LARP1B: variants seen among roughly 807,000 people sequenced by gnomAD.
LARP1B encodes the protein La ribonucleoprotein 1B.
A neutral mutation model predicts 114.2 loss-of-function variants in LARP1B; 76 were observed. The observed-to-expected ratio is 0.67, with a 90% CI of 0.55 to 0.81. The LOEUF is 0.81. LARP1B is among the 30% of genes least tolerant of loss of function. LARP1B has a pLI of 0.00. For synonymous variants in LARP1B, 345 were observed against 348.0 expected, an observed-to-expected ratio of 0.99 and a Z score of 0.10; for missense variants, 1,014 against 1,075.8, an observed-to-expected ratio of 0.94 and a Z score of 0.80.
At chr4:128,165,431 A>T (rs1581191551) in intron 12 of LARP1B, among the ~76,000 whole-genome samples, 1 of 147,586 alleles carries the variant, frequency 6.8e-6, no homozygotes, top group East Asian at 2.1e-4. Context: ...AAATTAAAAG[A>T]TAATTTTAAT....
intron 11 of LARP1B, among the ~76,000 whole-genome samples, chr4:128,137,770 C>CATATATATATATATAT (rs745646919): frequency 3.5e-5 from 5 of 141,320 alleles, no homozygotes; most frequent in African/African-American, 1.1e-4. Context: ...TGTGTGTATA[C>CATATATATATATATAT]ATATATATAT....
intron 11 of LARP1B, among the ~76,000 whole-genome samples, chr4:128,134,300 T>C (rs59944017): frequency 0.65 from 98,746 of 151,886 alleles, 32,406 homozygotes; most frequent in Middle Eastern, 0.81. Flanking sequence ...TGAAGCTGGC[T>C]GGGTAAATGA....
At chr4:128,135,260 AAC>A (rs1222599271) in intron 11 of LARP1B, among the ~76,000 whole-genome samples, 1 of 152,190 alleles carries the variant, frequency 6.6e-6, no homozygotes, top group African/African-American at 2.4e-5. Flanking sequence ...CATTTAAAAA[AAC>A]ACACAGAAAA....
At chr4:128,197,023 G>A (rs1754395637) in intron 15 of LARP1B, among the ~76,000 whole-genome samples, 1 of 152,120 alleles carries the variant, frequency 6.6e-6, no homozygotes. Flanking sequence ...GTAGAATAGA[G>A]GTTACTAGGG....
At chr4:128,124,342 C>T (rs1192886203) in intron 11 of LARP1B, among the ~76,000 whole-genome samples, 3 of 152,050 alleles carry the variant, frequency 2.0e-5, no homozygotes, top group African/African-American at 7.2e-5. Context: ...ATAGTGAAAT[C>T]TGAAGTGGAA....
Position 128,122,499 on chromosome 4 carries a change from G to T in LARP1B, c.1524+311G>T, listed in dbSNP as rs1420033376. 11 of 1,522,988 alleles carry T rather than the reference G, an allele frequency of 7.2e-6. No individual in the cohort carries two copies. In the Admixed American group the frequency reaches 2.0e-4, roughly 28 times the overall value. The allele number at this position is 1,522,988 out of a possible 1,614,324, so 94.3% of individuals were successfully genotyped here. On this transcript the variant is annotated intron_variant, in intron 11 of 19. Transcript: ENST00000326639. The stretch of plus-strand genomic sequence containing the variant: ...TGTTTTAGGTGACAATACTGAGAAC[G>T]CCCTTTCTCGTATGAAAGAATAAAA...
intron 12 of LARP1B, among the ~76,000 whole-genome samples, chr4:128,175,975 T>A (rs2150607126): frequency 6.6e-6 from 1 of 151,634 alleles, no homozygotes; most frequent in Non-Finnish European, 1.5e-5. Flanking sequence ...TTACTCTTTC[T>A]GGGTTGTTAC....
At chr4:128,217,062 C>T (rs901979799) in intron 6 of LARP1B, among the ~76,000 whole-genome samples, 30 of 150,050 alleles carry the variant, frequency 2.0e-4, no homozygotes, top group African/African-American at 6.8e-4. Flanking sequence ...ATACATTCCT[C>T]GACACATACA....
chr4:128,148,237 C>T (rs1202773040), intron 11 of LARP1B, among the ~76,000 whole-genome samples: 3 of 152,166 alleles, frequency 2.0e-5, no homozygotes, highest in East Asian at 1.9e-4. Flanking sequence ...TTGAGACCAG[C>T]CTGGCCAACA....
intron 12 of LARP1B, among the ~76,000 whole-genome samples, chr4:128,168,787 T>C (rs895347876): frequency 6.6e-6 from 1 of 151,998 alleles, no homozygotes; most frequent in Non-Finnish European, 1.5e-5. Context: ...TTTCATTGTC[T>C]TGGATTATAT....
At chr4:128,143,289 A>G (rs148808493) in intron 11 of LARP1B, among the ~76,000 whole-genome samples, 85 of 152,182 alleles carry the variant, frequency 5.6e-4, no homozygotes, top group African/African-American at 1.8e-3. Flanking sequence ...AAAAAAAGAG[A>G]CCTGATTTCA....
At chr4:128,108,041 C>A (rs778540750) in intron 9 of LARP1B, 143 of 1,477,470 alleles carry the variant, frequency 9.7e-5, no homozygotes, top group Non-Finnish European at 1.2e-4. Context: ...CTATTCCCAC[C>A]TCTTGGTGGA....
chr4:128,162,227 A>G lies in LARP1B; in HGVS notation c.1558A>G (p.Ile520Val), dbSNP rs1561456568. 2 of 1,608,714 alleles carry G rather than the reference A, an allele frequency of 1.2e-6. No homozygotes were observed. Among genetic ancestry groups the G allele is most frequent in the Admixed American group, 3.3e-5 (2 of 59,876 alleles). ...EVENFKKLNL[I>V]SKEQFENLTP... ...TGAGAACTTTAAGAAGCTAAATCTC[A>G]TTAGTAAAGAGCAGTTTGAAAACCT... The change falls in exon 12 of 20, where the codon ATT becomes GTT. Residue 520 changes from isoleucine (I) to valine (V), a missense_variant. Ile to Val is a conservative substitution (Grantham distance 29, BLOSUM62 3). Transcript: ENST00000326639.
intron 1 of LARP1B, among the ~76,000 whole-genome samples, chr4:128,073,346 G>C (rs1275277897): frequency 3.5e-5 from 5 of 144,854 alleles, no homozygotes; most frequent in Non-Finnish European, 6.0e-5. Flanking sequence ...AACCCCGGAG[G>C]GGGAGGTTGC....
At chr4:128,176,363 G>T (rs1007977166) in intron 12 of LARP1B, among the ~76,000 whole-genome samples, 6 of 149,412 alleles carry the variant, frequency 4.0e-5, no homozygotes, top group Non-Finnish European at 7.4e-5. Flanking sequence ...GCATGATCTC[G>T]GCTCACTGCA....
At chr4:128,090,678 A>T (rs1410427363) in intron 5 of LARP1B, among the ~76,000 whole-genome samples, 1 of 152,240 alleles carries the variant, frequency 6.6e-6, no homozygotes, top group African/African-American at 2.4e-5. Flanking sequence ...AGTTTTATGT[A>T]GTACAAACTT....
intron 9 of LARP1B, chr4:128,107,816 A>AT: frequency 2.0e-6 from 3 of 1,531,490 alleles, no homozygotes; most frequent in Non-Finnish European, 2.6e-6. Flanking sequence ...AATGTTAATA[A>AT]TTTTTTCCTG....
intron 11 of LARP1B, among the ~76,000 whole-genome samples, chr4:128,152,505 A>G (rs889830519): frequency 1.3e-5 from 2 of 151,782 alleles, no homozygotes; most frequent in African/African-American, 2.4e-5. Flanking sequence ...CCCGGCCAAC[A>G]TGGTGATTTT....
chr4:128,169,068 T>G (rs761800395), intron 12 of LARP1B, among the ~76,000 whole-genome samples: 1 of 152,174 alleles, frequency 6.6e-6, no homozygotes, highest in Non-Finnish European at 1.5e-5. Flanking sequence ...TATAATATGC[T>G]CTTTTTCTCC....
Sources: gnomAD v4.1 joint callset for allele counts (sites outside exome capture counted in the v4.1 genomes callset) on GRCh38, gnomAD v4.1.1 for gene constraint, MANE v1.5 for transcripts, NCBI Gene and HGNC (gene_info 2026-07-23, HGNC 2026-07-21) for gene names.